Variants in MME observed in about 807,000 individuals in gnomAD.
MME encodes the protein neprilysin.
A neutral mutation model predicts 113.2 loss-of-function variants in MME; 98 were observed. The observed-to-expected ratio is 0.87, with a 90% confidence interval of 0.74 to 1.02. MME has a LOEUF of 1.02. MME is among the 50% of genes least tolerant of loss of function. The pLI, the probability that MME is intolerant of heterozygous loss-of-function variation, is 0.00. For missense variants in MME, 836 were observed against 896.0 expected, an observed-to-expected ratio of 0.93 and a Z score of 0.86; for synonymous variants, 292 against 300.6, an observed-to-expected ratio of 0.97 and a Z score of 0.30.
At chr3:155,056,439 T>G (rs1170899482) in intron 1 of MME, among the ~76,000 whole-genome samples, 1 of 149,438 alleles carries the variant, frequency 6.7e-6, no homozygotes, top group East Asian at 1.9e-4. Flanking sequence ...TTTGGTTTTT[T>G]GTTCTTGCGA....
intron 1 of MME, among the ~76,000 whole-genome samples, chr3:155,061,271 T>G (rs1237558025): frequency 2.0e-5 from 3 of 151,972 alleles, no homozygotes; most frequent in Non-Finnish European, 2.9e-5. Context: ...GCTAACATGG[T>G]GAAACCCGTC....
chr3:155,142,101 G>A lies in MME; in HGVS notation c.1068G>A (p.Lys356=). Residue 356 remains lysine (K), a synonymous_variant, in exon 11 of 23, where the codon AAG becomes AAA. Coordinates refer to ENST00000360490, the MANE Select transcript of MME (RefSeq NM_007289.4). ...VYAPEYLTKL[K]PILTKYSARD... ...CTCCAGAATATTTAACCAAACTTAA[G>A]CCCATTCTTACCAAATATTCTGCCA... 1 of 1,613,818 alleles carries A rather than the reference G, an allele frequency of 6.2e-7. No individual in the cohort carries two copies. The highest frequency in any genetic ancestry group is 1.1e-5 in the South Asian group (1 of 91,080).
intron 1 of MME, among the ~76,000 whole-genome samples, chr3:155,067,378 T>C (rs1194936114): frequency 3.4e-5 from 5 of 144,964 alleles, no homozygotes; most frequent in Non-Finnish European, 7.5e-5. Context: ...TGGCACCATC[T>C]TGGCTCACTG....
intron 8 of MME, among the ~76,000 whole-genome samples, chr3:155,119,207 C>G (rs946461022): frequency 6.6e-6 from 1 of 152,082 alleles, no homozygotes; most frequent in Non-Finnish European, 1.5e-5. Flanking sequence ...CTGCAGCATC[C>G]TTCTGGAACC....
intron 3 of MME, among the ~76,000 whole-genome samples, chr3:155,094,674 G>A (rs1241667649): frequency 6.6e-6 from 1 of 152,156 alleles, no homozygotes; most frequent in Non-Finnish European, 1.5e-5. Flanking sequence ...GTCTTAGTAT[G>A]GGGGTGACAG....
chr3:155,149,396 G>T (rs1576646006), intron 16 of MME, among the ~76,000 whole-genome samples: 1 of 152,000 alleles, frequency 6.6e-6, no homozygotes, highest in Non-Finnish European at 1.5e-5. Context: ...AAGAATCTCA[G>T]TTAAAACAAA....
chr3:155,092,798 G>A (rs1266324718), intron 3 of MME, among the ~76,000 whole-genome samples: 1 of 152,130 alleles, frequency 6.6e-6, no homozygotes, highest in African/African-American at 2.4e-5. Context: ...TCTATAAGAA[G>A]CAAAACTATA....
At chr3:155,025,423 G>A (rs769675934) in intron 1 of MME, among the ~76,000 whole-genome samples, 5 of 151,744 alleles carry the variant, frequency 3.3e-5, no homozygotes, top group Non-Finnish European at 5.9e-5. Context: ...TTAGGAATTC[G>A]AGACCAGCCT....
At chr3:155,128,501 TGGAA>T (rs1190441557) in intron 8 of MME, among the ~76,000 whole-genome samples, 1 of 152,212 alleles carries the variant, frequency 6.6e-6, no homozygotes, top group African/African-American at 2.4e-5. Flanking sequence ...GTTATAAATC[TGGAA>T]GGAATGTTAA....
intron 1 of MME, among the ~76,000 whole-genome samples, chr3:155,042,902 A>ATT: frequency 2.0e-5 from 1 of 50,522 alleles, no homozygotes; most frequent in South Asian, 7.8e-4. Flanking sequence ...AGTAGGTTTT[A>ATT]TATATATATA....
chr3:155,047,308 T>C (rs985924652), intron 1 of MME, among the ~76,000 whole-genome samples: 2 of 152,226 alleles, frequency 1.3e-5, no homozygotes, highest in Non-Finnish European at 2.9e-5. Flanking sequence ...TCTATAGTAT[T>C]TAATAGAGTA....
At chr3:155,033,801 TA>T (rs200760861) in intron 1 of MME, among the ~76,000 whole-genome samples, 2 of 151,160 alleles carry the variant, frequency 1.3e-5, no homozygotes, top group Non-Finnish European at 1.5e-5. Context: ...TATGTTTTAT[TA>T]AAAAAAAATG....
chr3:155,151,586 C>T (rs1440519746), intron 16 of MME, among the ~76,000 whole-genome samples: 2 of 152,102 alleles, frequency 1.3e-5, no homozygotes, highest in Non-Finnish European at 1.5e-5. Flanking sequence ...ATGTAGATGT[C>T]TTATTGACCC....
chr3:155,098,834 A>G (rs1267344434), intron 3 of MME, among the ~76,000 whole-genome samples: 1 of 152,046 alleles, frequency 6.6e-6, no homozygotes, highest in Non-Finnish European at 1.5e-5. Flanking sequence ...CTTAAGCTAG[A>G]GTGTAGCAGA....
intron 2 of MME, 174 bp downstream of exon 2, chr3:155,084,501 C>T (rs771259373): frequency 6.8e-5 from 47 of 687,764 alleles, no homozygotes; most frequent in Middle Eastern, 2.8e-4. Context: ...CTTTGAAGTA[C>T]GGTGCCTTTT....
At chr3:155,169,780 C>A (rs867693503) in intron 20 of MME, among the ~76,000 whole-genome samples, 1 of 152,032 alleles carries the variant, frequency 6.6e-6, no homozygotes, top group Non-Finnish European at 1.5e-5. Flanking sequence ...ATCATTTGTT[C>A]ATTATAGAAA....
At chr3:155,178,604 C>G (rs1017196137) in intron 22 of MME, among the ~76,000 whole-genome samples, 1 of 152,130 alleles carries the variant, frequency 6.6e-6, no homozygotes, top group African/African-American at 2.4e-5. Flanking sequence ...AAGACATACA[C>G]AGTACAGCAT....
At chr3:155,142,424 C>T (rs1218414404) in intron 12 of MME, 94 bp downstream of exon 12, 5 of 1,061,138 alleles carry the variant, frequency 4.7e-6, no homozygotes. Flanking sequence ...ACATGGTGAA[C>T]TTTGCAAAGG....
chr3:155,073,606 G>C (rs772636504), intron 1 of MME, among the ~76,000 whole-genome samples: 5 of 152,078 alleles, frequency 3.3e-5, no homozygotes, highest in African/African-American at 9.7e-5. Context: ...TCCTTGTAAA[G>C]AACAAAACCA....
Sources: allele counts gnomAD v4.1 joint callset (sites outside exome capture counted in the v4.1 genomes callset), GRCh38; gene constraint gnomAD v4.1.1; transcripts MANE v1.5; gene names NCBI Gene and HGNC (gene_info 2026-07-23, HGNC 2026-07-21).